DDX52: variants seen among roughly 807,000 people sequenced by gnomAD.
The protein encoded by DDX52 is DExD-box helicase 52.
Under a neutral mutation model 76.1 loss-of-function variants are expected in DDX52, and 59 were observed. That is an observed-to-expected ratio of 0.78 (90% CI 0.63 to 0.96). DDX52 has a LOEUF of 0.96. Ranked by LOEUF, DDX52 falls within the 40% of genes least tolerant of loss-of-function variation. The pLI is 0.00. For synonymous variants in DDX52, 231 were observed against 244.1 expected, an observed-to-expected ratio of 0.95 and a Z score of 0.50; for missense variants, 707 against 703.9, an observed-to-expected ratio of 1.00 and a Z score of -0.05.
intron 4 of DDX52, chr17:37,631,256 G>A (rs1291909780): frequency 1.3e-5 from 2 of 152,164 alleles, no homozygotes; most frequent in East Asian, 3.9e-4. Context: ...CAAGTGACTG[G>A]ATAACAAATT....
At chr17:37,629,120 C>T (rs573033630) in intron 5 of DDX52, among the ~76,000 whole-genome samples, 1 of 151,996 alleles carries the variant, frequency 6.6e-6, no homozygotes, top group African/African-American at 2.4e-5. Flanking sequence ...ACTTGGGAGG[C>T]TGAGGCAGGA....
chr17:37,624,538 T>G (rs1350984933), intron 8 of DDX52, 104 bp from the exon 9 acceptor site: 3 of 738,590 alleles, frequency 4.1e-6, no homozygotes, highest in Non-Finnish European at 6.3e-6. Context: ...ACAAAATCAA[T>G]TTTTCCACTG....
Position 37,616,205 on chromosome 17 carries a change from A to G in DDX52, c.1743-1852T>C, listed in dbSNP as rs1300733627. Among the ~76,000 whole-genome samples, 8 of 152,304 alleles carry G rather than the reference A, an allele frequency of 5.3e-5. No individual in the cohort carries two copies. The East Asian group carries it at 1.5e-3, about 29-fold the overall frequency. ...AGACCATCCAAAGAGTAACACATAC[A>G]CAACAGTTCTGATGTGACCCACTCC... On this transcript the variant is annotated intron_variant, in intron 14 of 14. Coordinates refer to ENST00000617633, the MANE Select transcript of DDX52 (RefSeq NM_007010.5).
chr17:37,624,267 C>A, intron 9 of DDX52, 77 bp downstream of exon 9: 1 of 1,030,994 alleles, frequency 9.7e-7, no homozygotes, highest in Non-Finnish European at 1.5e-6. Context: ...TACAGTGCTA[C>A]CACTGTAATA....
rs867519241 is a variant in DDX52 at position 37,637,763 on chromosome 17, G to A, written c.287-4345C>T. On this transcript the variant is annotated intron_variant, in intron 2 of 14. Transcript: ENST00000617633. ...CTAATTTTGTATTTTTAGTAGAGACGGGATTTCACCATGTTGGCCAGGCTG... is the reference window on the plus strand; with the variant it reads ...CTAATTTTGTATTTTTAGTAGAGACAGGATTTCACCATGTTGGCCAGGCTG... Among the ~76,000 whole-genome samples the A allele has an allele frequency of 1.3e-4, 19 of 151,466 alleles. 1 individual carries two copies. The highest frequency in any genetic ancestry group is 4.2e-4 in the South Asian group (2 of 4,780).
intron 13 of DDX52, among the ~76,000 whole-genome samples, chr17:37,619,432 A>G (rs1396237344): frequency 6.6e-6 from 1 of 152,154 alleles, no homozygotes; most frequent in African/African-American, 2.4e-5. Context: ...ACAGTGACAC[A>G]AGCCTGTAAT....
rs1012276928 is a variant in DDX52 at position 37,617,956 on chromosome 17, C to CA, written c.1742+335dup. On this transcript the variant is annotated intron_variant, in intron 14 of 14. Transcript: ENST00000617633. ...TGAAACTCCGTGTCTAATAAAAATACAAAAAAAAAATAGCTGGGTGTGGTG... is the reference window on the plus strand; with the variant it reads ...TGAAACTCCGTGTCTAATAAAAATACAAAAAAAAAAATAGCTGGGTGTGGTG... Among the ~76,000 whole-genome samples the CA allele has an allele frequency of 1.8e-3, 272 of 147,430 alleles. 1 individual carries two copies. The highest frequency in any genetic ancestry group is 0.01 in the East Asian group (51 of 5,084).
chr17:37,637,619 G>C (rs1165857501), intron 2 of DDX52, among the ~76,000 whole-genome samples: 1 of 151,716 alleles, frequency 6.6e-6, no homozygotes, highest in African/African-American at 2.4e-5. Context: ...TTGTTGCCCA[G>C]GCTGGAGTGC....
In DDX52 at chr17:37,642,167, T is replaced by G. The variant is rs1430560931; in HGVS notation, c.229A>C (p.Ser77Arg). The change falls in exon 2 of 15, where the codon AGC (serine) becomes CGC (arginine). Residue 77 changes from serine (S) to arginine (R), a missense_variant. Ser to Arg is a moderately radical substitution (Grantham distance 110, BLOSUM62 -1). Transcript: ENST00000617633. ...TGCTCCCTCTTCCTTTCAGTTAGGC[T>G]CTCTTCTTTTTTCTCTCCATTTTGG... ...KPQNGEKKEE[S>R]LTERKREQSK... 1 of 1,614,124 alleles carries G rather than the reference T, an allele frequency of 6.2e-7. No homozygotes were observed.
intron 6 of DDX52, among the ~76,000 whole-genome samples, chr17:37,627,528 G>A (rs1264567086): frequency 1.3e-5 from 2 of 152,026 alleles, no homozygotes; most frequent in Non-Finnish European, 2.9e-5. Context: ...TTACAGGCAT[G>A]AGCCACAATA....
intron 9 of DDX52, among the ~76,000 whole-genome samples, chr17:37,621,893 G>A (rs139125939): frequency 8.9e-4 from 136 of 152,104 alleles, no homozygotes; most frequent in African/African-American, 3.0e-3. Flanking sequence ...TGGGTTTTTT[G>A]GGGTGAAATT....
chr17:37,616,171 T>TGGA (rs2064423308), intron 14 of DDX52, among the ~76,000 whole-genome samples: 1 of 152,200 alleles, frequency 6.6e-6, no homozygotes, highest in Non-Finnish European at 1.5e-5. Flanking sequence ...ATTTGTTATC[T>TGGA]TGGCTTTAAG....
intron 1 of DDX52, among the ~76,000 whole-genome samples, chr17:37,642,533 G>C (rs1440156703): frequency 6.6e-6 from 1 of 152,178 alleles, no homozygotes; most frequent in African/African-American, 2.4e-5. Context: ...ATGTCAAGCA[G>C]ATTTCTAAGC....
In DDX52 at chr17:37,610,963, G is replaced by C. The variant is rs2064336512; in HGVS notation, c.*3333C>G. 1 of 152,328 alleles carries C rather than the reference G, an allele frequency of 6.6e-6. No homozygotes were observed. The highest frequency in any genetic ancestry group is 2.1e-4 in the South Asian group (1 of 4,820). The allele number at this position is 152,328 out of a possible 1,614,324, so 9.4% of individuals were successfully genotyped here. On this transcript the variant is annotated 3_prime_UTR_variant, in exon 15 of 15. Transcript: ENST00000617633. ...TTAATACACTGACTAAGTTGATACA[G>C]GTTACTGTAGATACTTTAAACAGAC...
At position 37,630,066 on chromosome 17, in the gene DDX52, G is replaced by A; in HGVS notation, c.711C>T (p.Ala237=). Residue 237 remains alanine, a synonymous_variant, in exon 5 of 15, where the codon GCC becomes GCT. Transcript: ENST00000617633. ...GTTCTCGTGTTGGTGATATAATCAGGGCTCTGAAGCCTTTATTTGCGGGTT... is the reference window on the plus strand; with the variant it reads ...GTTCTCGTGTTGGTGATATAATCAGAGCTCTGAAGCCTTTATTTGCGGGTT... ...LKQPANKGFR[A]LIISPTRELA... is the part of the protein sequence containing the mutation. 6.2e-7 allele frequency: 1 copy of A among 1,613,438 alleles called. No homozygotes were observed. Among genetic ancestry groups the A allele is most frequent in the South Asian group, 1.1e-5 (1 of 90,942 alleles).
In DDX52 at chr17:37,628,668, T is replaced by C. The variant is rs750340980; in HGVS notation, c.752A>G (p.His251Arg). The C allele has an allele frequency of 2.5e-6, 4 of 1,589,292 alleles. No homozygotes were observed. Among genetic ancestry groups the C allele is most frequent in the African/African-American group, 1.4e-5 (1 of 73,520 alleles). The change falls in exon 6 of 15, where the codon CAC becomes CGC. Residue 251 changes from histidine to arginine, a missense_variant. Coordinates refer to ENST00000617633, the MANE Select transcript of DDX52 (RefSeq NM_007010.5). The part of the protein sequence containing the change: ...SPTRELASQI[H>R]RELIKISEGT... ...CTCAGAAATTTTTATTAACTCTCTG[T>C]GAATCTAAAAAAAAAAAGATTAAAA...
chr17:37,618,242 T>C (rs779515624), intron 14 of DDX52, 50 bp downstream of exon 14: 3 of 1,443,590 alleles, frequency 2.1e-6, no homozygotes, highest in African/African-American at 1.5e-5. Context: ...TAATGCCTAC[T>C]ATAACTTTAT....
chr17:37,626,203 G>T (rs1052812193), intron 7 of DDX52, 105 bp from the exon 8 acceptor site: 2 of 1,196,344 alleles, frequency 1.7e-6, no homozygotes, highest in African/African-American at 1.6e-5. Context: ...CTATAATGCT[G>T]CTTCTCAGAT....
At chr17:37,628,187 G>C (rs1343367764) in intron 6 of DDX52, among the ~76,000 whole-genome samples, 4 of 151,956 alleles carry the variant, frequency 2.6e-5, no homozygotes, top group Admixed American at 2.6e-4. Flanking sequence ...TACCACTTTG[G>C]GCCACTAAGT....
Sources: gnomAD v4.1 joint callset for allele counts (sites outside exome capture counted in the v4.1 genomes callset) on GRCh38, gnomAD v4.1.1 for gene constraint, MANE v1.5 for transcripts, NCBI Gene and HGNC (gene_info 2026-07-23, HGNC 2026-07-21) for gene names.